ABLIM1: variants seen among roughly 807,000 people sequenced by gnomAD.
ABLIM1 encodes the protein actin-binding LIM protein 1.
In ABLIM1, 40 loss-of-function variants were observed where a neutral mutation model predicts 107.0. That is an observed-to-expected ratio of 0.37 (90% CI 0.29 to 0.49). The LOEUF (loss-of-function observed/expected upper bound fraction) is 0.49, where lower values mean the gene tolerates loss of function less well. ABLIM1 is among the 20% of genes least tolerant of loss of function. The pLI, the probability that ABLIM1 is intolerant of heterozygous loss-of-function variation, is 0.97. For synonymous variants in ABLIM1, 357 were observed against 357.3 expected (o/e 1.00, Z 0.01); for missense variants, 857 against 1,008.5 (o/e 0.85, Z 2.04).
chr10:114,584,054 A>C (rs1234484106), intron 2 of ABLIM1, among the ~76,000 whole-genome samples: 1 of 152,114 alleles, frequency 6.6e-6, no homozygotes, highest in Non-Finnish European at 1.5e-5. Flanking sequence ...TCATACCCTA[A>C]GCCTCAGCAC....
chr10:114,510,405 C>T (rs2061685457), intron 6 of ABLIM1, among the ~76,000 whole-genome samples: 1 of 150,716 alleles, frequency 6.6e-6, no homozygotes, highest in Admixed American at 6.6e-5. Context: ...TCATATAAAG[C>T]ACATGCCATT....
At chr10:114,632,363 C>G (rs1052371390) in intron 1 of ABLIM1, 3 of 985,278 alleles carry the variant, frequency 3.0e-6, no homozygotes, top group Non-Finnish European at 1.2e-6. Flanking sequence ...GGACCGAGCA[C>G]CAGCTAGAGA....
At chr10:114,749,613 C>T (rs1008627139) in intron 1 of ABLIM1, among the ~76,000 whole-genome samples, 4 of 152,142 alleles carry the variant, frequency 2.6e-5, no homozygotes, top group African/African-American at 9.7e-5. Context: ...GATTCCTCTG[C>T]TCAACACCCT....
In ABLIM1 at chr10:114,629,615, T is replaced by G. The variant is rs920879290; in HGVS notation, c.245-27654A>C. On this transcript the variant is annotated intron_variant, in intron 1 of 22. Transcript: ENST00000533213. This position sits in a 1 kb window ranked among gnomAD's most constrained non-coding sequence, Gnocchi z 4.0. Reference sequence around the variant, plus strand: ...TAGCAGCTGTCAACACACTGGCAATTGTGGTCTCTCATCCACTACATGGTG... The same window carrying G: ...TAGCAGCTGTCAACACACTGGCAATGGTGGTCTCTCATCCACTACATGGTG... Among the ~76,000 whole-genome samples, 1 of 152,204 alleles carries G rather than the reference T, an allele frequency of 6.6e-6. No homozygotes were observed. The highest frequency in any genetic ancestry group is 1.5e-5 in the Non-Finnish European group (1 of 68,036).
At chr10:114,512,766 G>A (rs1009588918) in intron 6 of ABLIM1, among the ~76,000 whole-genome samples, 11 of 151,486 alleles carry the variant, frequency 7.3e-5, no homozygotes, top group East Asian at 2.0e-4. Flanking sequence ...TGGAGGTTGC[G>A]GTGAGCCGAG....
At chr10:114,636,578 C>A (rs1427608773) in intron 1 of ABLIM1, among the ~76,000 whole-genome samples, 1 of 152,110 alleles carries the variant, frequency 6.6e-6, no homozygotes, top group Non-Finnish European at 1.5e-5. Context: ...CCCAGGTCAA[C>A]AGAATAAAAA....
chr10:114,504,436 C>T (rs780543687), intron 6 of ABLIM1, among the ~76,000 whole-genome samples: 2 of 152,068 alleles, frequency 1.3e-5, no homozygotes, highest in African/African-American at 2.4e-5. Flanking sequence ...TTACTTTAGT[C>T]GTTTGGACAG....
chr10:114,515,034 C>T (rs138277891), intron 6 of ABLIM1, among the ~76,000 whole-genome samples: 1,694 of 152,276 alleles, frequency 0.011, 16 homozygotes, highest in Non-Finnish European at 0.018. Context: ...AACCTGAAAG[C>T]AGTTTAGTCC....
chr10:114,600,708 G>A (rs921977179), intron 2 of ABLIM1, among the ~76,000 whole-genome samples: 11 of 152,092 alleles, frequency 7.2e-5, no homozygotes, highest in Admixed American at 3.9e-4. Flanking sequence ...CCCGTGCAGG[G>A]CACAGAGTAA....
intron 1 of ABLIM1, among the ~76,000 whole-genome samples, chr10:114,624,967 C>G (rs1314145942): frequency 1.3e-5 from 2 of 152,090 alleles, no homozygotes; most frequent in African/African-American, 2.4e-5. Flanking sequence ...TGGAGCACCC[C>G]TCCCCACAAA....
chr10:114,503,497 G>A (rs1354584424), intron 6 of ABLIM1, among the ~76,000 whole-genome samples: 2 of 152,070 alleles, frequency 1.3e-5, no homozygotes, highest in African/African-American at 2.4e-5. Flanking sequence ...GTGTTGCTAT[G>A]AAAATTCCTG....
intron 6 of ABLIM1, among the ~76,000 whole-genome samples, chr10:114,536,301 G>A (rs1486535360): frequency 8.5e-6 from 1 of 118,088 alleles, no homozygotes; most frequent in Non-Finnish European, 1.6e-5. Flanking sequence ...AGGCTGGAGT[G>A]CAATGGCATG....
intron 1 of ABLIM1, among the ~76,000 whole-genome samples, chr10:114,713,041 C>T (rs1480401012): frequency 6.6e-6 from 1 of 152,082 alleles, no homozygotes; most frequent in Non-Finnish European, 1.5e-5. Context: ...AGAGCAAGAC[C>T]CTGTCTCTTA....
At chr10:114,689,403 C>T (rs569097950), upstream of ABLIM1, among the ~76,000 whole-genome samples, 2 of 144,894 alleles carry the variant, frequency 1.4e-5, no homozygotes, top group Non-Finnish European at 3.0e-5. Context: ...ACTCTGTTGC[C>T]CAGGCTGGAG....
chr10:114,704,572 T>C (rs2081382204), intron 1 of ABLIM1, among the ~76,000 whole-genome samples: 2 of 150,240 alleles, frequency 1.3e-5, no homozygotes, highest in African/African-American at 4.9e-5. Context: ...AGCTCATTTA[T>C]GCTTCATATC....
intron 19 of ABLIM1, 62 bp from the exon 20 acceptor site, chr10:114,440,151 TCA>T (rs1589671205): frequency 2.7e-6 from 4 of 1,473,066 alleles, no homozygotes; most frequent in East Asian, 4.5e-5. Context: ...AAGGAACCAT[TCA>T]CAGACTATAT....
intron 1 of ABLIM1, among the ~76,000 whole-genome samples, chr10:114,720,218 G>A (rs1397684685): frequency 1.3e-5 from 2 of 152,058 alleles, no homozygotes; most frequent in Non-Finnish European, 2.9e-5. Flanking sequence ...CCTTTTTATG[G>A]CTGCATAGTA....
chr10:114,797,620 T>C, the ABLIM1 span, among the ~76,000 whole-genome samples: 1 of 152,226 alleles, frequency 6.6e-6, no homozygotes, highest in East Asian at 1.9e-4. Context: ...TTCCTTATTT[T>C]ATTCCTCTAT....
At chr10:114,654,753 T>C (rs2079418366) in intron 1 of ABLIM1, among the ~76,000 whole-genome samples, 2 of 152,220 alleles carry the variant, frequency 1.3e-5, no homozygotes, top group African/African-American at 4.8e-5. Flanking sequence ...GCTGTCTGGA[T>C]GGGGAATCTG....
Sources: gnomAD v4.1 joint callset for allele counts (sites outside exome capture counted in the v4.1 genomes callset) on GRCh38, gnomAD v4.1.1 for gene constraint, Gnocchi (gnomAD v3.1) non-coding constraint, MANE v1.5 for transcripts, NCBI Gene and HGNC (gene_info 2026-07-23, HGNC 2026-07-21) for gene names.